UPK3A: variants seen among roughly 807,000 people sequenced by gnomAD.
UPK3A encodes uroplakin 3A, also known as uroplakin-3a.
Under a neutral mutation model 27.6 loss-of-function variants are expected in UPK3A, and 32 were observed. The observed-to-expected ratio is 1.16, with a 90% confidence interval of 0.87 to 1.55. UPK3A has a LOEUF of 1.55. UPK3A is among the 40% of genes most tolerant of loss of function. The pLI, the probability that UPK3A is intolerant of heterozygous loss-of-function variation, is 0.00. For missense variants in UPK3A, 370 were observed against 367.9 expected (o/e 1.01, Z -0.05); for synonymous variants, 171 against 163.9 (o/e 1.04, Z -0.33).
intron 1 of UPK3A, 107 bp from the exon 2 acceptor site, chr22:45,285,834 G>T: frequency 2.7e-6 from 4 of 1,504,566 alleles, no homozygotes; most frequent in Non-Finnish European, 3.6e-6. Context: ...CCCAGGGGGA[G>T]GGTGAAGCCC....
In UPK3A at chr22:45,292,740, C is replaced by CA. The variant is rs942932564; in HGVS notation, c.572-433dup. Reference sequence around the variant, plus strand: ...GCAACATGGTGAAACCCCATCTCTACAAAAAAAAGTACAACAAATTAGCTG... The same window carrying CA: ...GCAACATGGTGAAACCCCATCTCTACAAAAAAAAAGTACAACAAATTAGCTG... On this transcript the variant is annotated intron_variant, in intron 4 of 5. Coordinates refer to ENST00000216211, the MANE Select transcript of UPK3A (RefSeq NM_006953.4). Among the ~76,000 whole-genome samples the CA allele has an allele frequency of 4.0e-4, 60 of 151,306 alleles. 2 individuals are homozygous for CA. The East Asian group carries it at 4.3e-3, about 11-fold the overall frequency.
At chr22:45,289,445 G>A (rs2084143552) in intron 4 of UPK3A, among the ~76,000 whole-genome samples, 1 of 152,046 alleles carries the variant, frequency 6.6e-6, no homozygotes, top group Non-Finnish European at 1.5e-5. Context: ...CAGGCGTGGT[G>A]GGGGTGCCTT....
chr22:45,291,405 G>GTA (rs1270076859), intron 4 of UPK3A, among the ~76,000 whole-genome samples: 1 of 149,208 alleles, frequency 6.7e-6, no homozygotes, highest in African/African-American at 2.5e-5. Flanking sequence ...TGTGGGTGGT[G>GTA]TGAGAGTGTG....
At chr22:45,295,475 C>CT in intron 5 of UPK3A, 85 bp from the exon 6 acceptor site, 1 of 1,424,832 alleles carries the variant, frequency 7.0e-7, no homozygotes, top group Non-Finnish European at 9.9e-7. Context: ...AAAGCTATGT[C>CT]TGAGTATGAA....
At chr22:45,287,066 G>C (rs1037608700) in intron 2 of UPK3A, 106 bp from the exon 3 acceptor site, 1 of 1,538,182 alleles carries the variant, frequency 6.5e-7, no homozygotes, top group African/African-American at 1.4e-5. Flanking sequence ...CCAGTGCCCA[G>C]CACAGAGCTG....
At position 45,286,055 on chromosome 22, in the gene UPK3A, C is replaced by A; in HGVS notation, c.167C>A (p.Thr56Asn). The A allele has an allele frequency of 1.2e-6, 2 of 1,614,214 alleles. No individual in the cohort carries two copies. Among genetic ancestry groups the A allele is most frequent in the African/African-American group, 1.3e-5 (1 of 75,044 alleles). ...LCMFDSKEAL[T>N]GTHEVYLYVL... ...ATGTTTGACAGCAAAGAGGCCCTCA[C>A]TGGCACCCACGAGGTCTACCTGTAT... Residue 56 changes from threonine to asparagine, a missense_variant, in exon 2 of 6, where the codon ACT becomes AAT. By Grantham distance (65) the Thr-to-Asn change is moderately conservative. Coordinates refer to ENST00000216211, the MANE Select transcript of UPK3A (RefSeq NM_006953.4).
chr22:45,292,192 C>T (rs1223217064), intron 4 of UPK3A, among the ~76,000 whole-genome samples: 1 of 152,210 alleles, frequency 6.6e-6, no homozygotes, highest in African/African-American at 2.4e-5. Flanking sequence ...CTTGATGGGC[C>T]TCTGCAGCAG....
At chr22:45,292,755 C>T (rs561440707) in intron 4 of UPK3A, among the ~76,000 whole-genome samples, 2 of 151,618 alleles carry the variant, frequency 1.3e-5, no homozygotes, top group African/African-American at 4.9e-5. Flanking sequence ...AAAAGTACAA[C>T]AAATTAGCTG....
intron 4 of UPK3A, among the ~76,000 whole-genome samples, chr22:45,290,791 C>T (rs1026840673): frequency 3.3e-5 from 5 of 152,090 alleles, no homozygotes; most frequent in South Asian, 2.1e-4. Flanking sequence ...GCCTGAGCTC[C>T]GCCTCCTGTC....
intron 1 of UPK3A, among the ~76,000 whole-genome samples, chr22:45,285,455 C>G (rs2742632): frequency 0.61 from 92,957 of 151,920 alleles, 29,772 homozygotes; most frequent in Non-Finnish European, 0.72. Context: ...CAGCTGGAGC[C>G]TGGGGTGAGG....
intron 5 of UPK3A, among the ~76,000 whole-genome samples, chr22:45,295,057 A>C (rs1376510080): frequency 6.6e-6 from 1 of 151,932 alleles, no homozygotes; most frequent in Non-Finnish European, 1.5e-5. Flanking sequence ...TAGTAGAGAC[A>C]AGATTTCACC....
At chr22:45,287,504 T>G (rs2084128023) in intron 3 of UPK3A, 53 bp downstream of exon 3, 2 of 1,551,904 alleles carry the variant, frequency 1.3e-6, no homozygotes, top group African/African-American at 1.4e-5. Context: ...CCAGTCCTGA[T>G]GAGGGAGAGC....
intron 3 of UPK3A, among the ~76,000 whole-genome samples, chr22:45,288,771 G>A (rs2147794616): frequency 6.6e-6 from 1 of 152,344 alleles, no homozygotes; most frequent in South Asian, 2.1e-4. Context: ...AAGAAATGGA[G>A]GGGAGCTCTA....
chr22:45,292,378 G>C (rs983346094), intron 4 of UPK3A, among the ~76,000 whole-genome samples: 1 of 152,186 alleles, frequency 6.6e-6, no homozygotes, highest in Non-Finnish European at 1.5e-5. Context: ...GTGATCTGCA[G>C]AATGGGGTCT....
intron 4 of UPK3A, among the ~76,000 whole-genome samples, chr22:45,289,954 C>T (rs946884394): frequency 3.3e-5 from 5 of 152,114 alleles, no homozygotes; most frequent in African/African-American, 4.8e-5. Flanking sequence ...GGAGCTGACC[C>T]GGCATTTACG....
At chr22:45,293,421 G>A (rs540677881) in intron 5 of UPK3A, 108 bp downstream of exon 5, 2 of 1,448,856 alleles carry the variant, frequency 1.4e-6, no homozygotes, top group Non-Finnish European at 1.9e-6. Context: ...AGCCCGGAAG[G>A]CAAGGAAGCT....
chr22:45,287,581 C>A, intron 3 of UPK3A, 130 bp downstream of exon 3: 1 of 1,220,824 alleles, frequency 8.2e-7, no homozygotes, highest in Non-Finnish European at 1.2e-6. Flanking sequence ...AGGTTCCAGG[C>A]AGGCCACGCT....
chr22:45,294,759 G>A (rs1242475792), intron 5 of UPK3A, among the ~76,000 whole-genome samples: 1 of 151,794 alleles, frequency 6.6e-6, no homozygotes. Context: ...CTTTGTTCCG[G>A]CTCCAGCTGC....
chr22:45,287,588 C>T (rs190269447), intron 3 of UPK3A, 137 bp downstream of exon 3: 68 of 1,119,400 alleles, frequency 6.1e-5, no homozygotes, highest in East Asian at 7.8e-5. Context: ...AGGCAGGCCA[C>T]GCTGAGCCTC....
Sources: gnomAD v4.1 joint callset for allele counts (sites outside exome capture counted in the v4.1 genomes callset) on GRCh38, gnomAD v4.1.1 for gene constraint, MANE v1.5 for transcripts, NCBI Gene and HGNC (gene_info 2026-07-23, HGNC 2026-07-21) for gene names.